Variants in MYT1 observed in about 807,000 individuals in gnomAD.
MYT1 encodes the protein myelin transcription factor 1, also known as myelin transcription factor I.
Under a neutral mutation model 123.0 loss-of-function variants are expected in MYT1, and 23 were observed. The ratio of observed to expected loss-of-function variants is 0.19; its 90% CI spans 0.13 to 0.26. MYT1 has a LOEUF of 0.26. MYT1 is among the 10% of genes least tolerant of loss of function. The pLI is 1.00. For synonymous variants in MYT1, 518 were observed against 575.3 expected (o/e 0.90, Z 1.43); for missense variants, 1,125 against 1,472.5 (o/e 0.76, Z 3.86).
chr20:64,216,934 G>C, intron 10 of MYT1, 133 bp from the exon 11 acceptor site: 2 of 798,956 alleles, frequency 2.5e-6, no homozygotes, highest in East Asian at 5.0e-5. Context: ...TGCAGGGGTA[G>C]TGTCTTCCTG....
chr20:64,208,059 A>C lies in MYT1; in HGVS notation c.863A>C (p.Glu288Ala), dbSNP rs776890055. 1 of 1,604,432 alleles carries C rather than the reference A, an allele frequency of 6.2e-7. No homozygotes were observed. The highest frequency in any genetic ancestry group is 8.5e-7 in the Non-Finnish European group (1 of 1,176,036). The stretch of plus-strand genomic sequence containing the variant: ...GAAGAGGAGGAGGAAGAGGAAGAGG[A>C]GGAGGAGGAAGAGGAAGAGGAGGAG... ...EEEEEEEEEE[E>A]EEEEEEEEEE... Residue 288 changes from glutamate (E) to alanine (A), a missense_variant, in exon 7 of 23, where the codon GAG becomes GCG. Transcript: ENST00000328439. This position sits in a 1 kb window ranked among gnomAD's most constrained non-coding sequence, Gnocchi z 5.4.
At position 64,191,327 on chromosome 20, in the gene MYT1, C is replaced by G. The variant is rs1982963827; in HGVS notation, c.-1+1167C>G. Among the ~76,000 whole-genome samples, 2 of 152,186 alleles carry G rather than the reference C, an allele frequency of 1.3e-5. No individual in the cohort carries two copies. The highest frequency in any genetic ancestry group is 6.5e-5 in the Admixed American group (1 of 15,282). ...ACAGCCACTGTTCTCCACCACCAACCCTCTAATTCTAGAACTTCCCACCAA... is the reference window on the plus strand; with the variant it reads ...ACAGCCACTGTTCTCCACCACCAACGCTCTAATTCTAGAACTTCCCACCAA... On this transcript the variant is annotated intron_variant, in intron 2 of 22. Transcript: ENST00000328439. The surrounding 1 kb of genome is among the most constrained non-coding windows in gnomAD (Gnocchi z 4.1).
chr20:64,168,129 TC>T lies in MYT1; in HGVS notation c.-99+3394del, dbSNP rs1045957770. ...ATTTTTCTGTCTTTCAGACCAAATT[TC>T]CCCAAACATCACTTTAAAAAACTCA... On this transcript the variant is annotated intron_variant, in intron 1 of 22. Coordinates refer to ENST00000328439, the MANE Select transcript of MYT1 (RefSeq NM_004535.3). This position sits in a 1 kb window ranked among gnomAD's most constrained non-coding sequence, Gnocchi z 6.1. 3.9e-5 allele frequency among the ~76,000 whole-genome samples: 6 copies of T among 152,294 alleles called. No individual in the cohort carries two copies. Among genetic ancestry groups the T allele is most frequent in the African/African-American group, 1.4e-4 (6 of 41,554 alleles).
At chr20:64,217,333 G>A in intron 11 of MYT1, 52 bp downstream of exon 11, 2 of 1,585,836 alleles carry the variant, frequency 1.3e-6, no homozygotes, top group Non-Finnish European at 1.7e-6. Context: ...TCCTGGGAGG[G>A]GCAGGATTCA....
At chr20:64,227,020 T>A (rs1405250977) in intron 16 of MYT1, among the ~76,000 whole-genome samples, 1 of 152,246 alleles carries the variant, frequency 6.6e-6, no homozygotes, top group Non-Finnish European at 1.5e-5. Flanking sequence ...TGAATGCCTT[T>A]AGTCCAGACC....
At position 64,239,919 on chromosome 20, in the gene MYT1, G is replaced by A. The variant is rs201984889; in HGVS notation, c.3237+16G>A. On this transcript the variant is annotated intron_variant, in intron 22 of 22. Transcript: ENST00000328439. ...TCCGCACATGGTAGGCAGCACGCGG[G>A]CCTGCCGGCACCACAGCTACCCCCC... is the stretch of plus-strand genomic sequence containing the variant. 2.5e-6 allele frequency: 4 copies of A among 1,609,538 alleles called. No homozygotes were observed. The South Asian group carries it at 4.4e-5, about 18-fold the overall frequency.
At position 64,185,451 on chromosome 20, in the gene MYT1, G is replaced by A. The variant is rs952104282; in HGVS notation, c.-98-4612G>A. On this transcript the variant is annotated intron_variant, in intron 1 of 22. Coordinates refer to ENST00000328439, the MANE Select transcript of MYT1 (RefSeq NM_004535.3). This position sits in a 1 kb window ranked among gnomAD's most constrained non-coding sequence, Gnocchi z 4.5. ...AAAGGCAGCCCTAGTTACCAGAGAT[G>A]CAAAACCTAGTGAAGACTGAAAACA... is the stretch of plus-strand genomic sequence containing the variant. Among the ~76,000 whole-genome samples the A allele has an allele frequency of 6.6e-6, 1 of 152,192 alleles. No homozygotes were observed. Among genetic ancestry groups the A allele is most frequent in the Non-Finnish European group, 1.5e-5 (1 of 68,038 alleles).
At chr20:64,171,505 C>T (rs1336817548) in intron 1 of MYT1, among the ~76,000 whole-genome samples, 1 of 152,232 alleles carries the variant, frequency 6.6e-6, no homozygotes, top group Non-Finnish European at 1.5e-5. Flanking sequence ...CATGCGGCTT[C>T]TAAGTCAGAA....
chr20:64,229,627 A>G (rs2427622), intron 18 of MYT1, among the ~76,000 whole-genome samples: 103,246 of 152,124 alleles, frequency 0.68, 37,617 homozygotes, highest in African/African-American at 0.93. Flanking sequence ...TGCCTAGCAT[A>G]TTTAAACAGA....
chr20:64,223,181 T>C lies in MYT1; in HGVS notation c.2459+8T>C. The C allele has an allele frequency of 6.2e-7, 1 of 1,614,176 alleles. No individual in the cohort carries two copies. The highest frequency in any genetic ancestry group is 1.1e-5 in the South Asian group (1 of 91,082). On this transcript the variant is annotated splice_region_variant and intron_variant, in intron 15 of 22. Transcript: ENST00000328439. ...CTACGCCTCCCACCGCAGGTTTGTCTCCTGCTCGGGTCCGTCTGGCCTGGG... is the reference window on the plus strand; with the variant it reads ...CTACGCCTCCCACCGCAGGTTTGTCCCCTGCTCGGGTCCGTCTGGCCTGGG...
intron 4 of MYT1, 95 bp downstream of exon 4, chr20:64,200,017 C>T: frequency 7.0e-7 from 1 of 1,438,626 alleles, no homozygotes; most frequent in Non-Finnish European, 9.8e-7. Context: ...CTTGGATTGA[C>T]CAAACACCCC....
In MYT1 at chr20:64,166,087, C is replaced by G. The variant is rs533204000; in HGVS notation, c.-99+1348C>G. Reference sequence around the variant, plus strand: ...TCGGCCCCCAGCCTCCCTGCCACCCCGGGCTCCCCTCCCATTGGTCCTTGG... The same window carrying G: ...TCGGCCCCCAGCCTCCCTGCCACCCGGGGCTCCCCTCCCATTGGTCCTTGG... On this transcript the variant is annotated intron_variant, in intron 1 of 22. Transcript: ENST00000328439. The surrounding 1 kb of genome is among the most constrained non-coding windows in gnomAD (Gnocchi z 4.9). Among the ~76,000 whole-genome samples, 35 of 152,294 alleles carry G rather than the reference C, an allele frequency of 2.3e-4. No homozygotes were observed. The highest frequency in any genetic ancestry group is 7.9e-4 in the African/African-American group (33 of 41,570).
chr20:64,237,251 G>C (rs1225709229), intron 20 of MYT1, 36 bp from the exon 21 acceptor site: 1 of 1,582,548 alleles, frequency 6.3e-7, no homozygotes, highest in South Asian at 1.1e-5. Flanking sequence ...CCTGCCTGAG[G>C]CCCAAAGCCA....
rs550376490 is a variant in MYT1, at chr20:64,231,005, C to T, written c.2676-1159C>T. Among the ~76,000 whole-genome samples, 9 of 152,260 alleles carry T rather than the reference C, an allele frequency of 5.9e-5. No homozygotes were observed. Among genetic ancestry groups the T allele is most frequent in the Admixed American group, 2.0e-4 (3 of 15,298 alleles). ...TCCACTGGGCAGCGCAGCCCTGAGC[C>T]GCCTCTCACCCCTACGGCGGGAGCC... On this transcript the variant is annotated intron_variant, in intron 18 of 22. Transcript: ENST00000328439. This position sits in a 1 kb window ranked among gnomAD's most constrained non-coding sequence, Gnocchi z 6.4.
At chr20:64,233,574 A>G (rs1342191845) in intron 19 of MYT1, among the ~76,000 whole-genome samples, 1 of 146,232 alleles carries the variant, frequency 6.8e-6, no homozygotes, top group Non-Finnish European at 1.5e-5. Flanking sequence ...CCATGTACCA[A>G]GCCTTGGAGA....
At chr20:64,237,028 C>G (rs1353981944) in intron 20 of MYT1, among the ~76,000 whole-genome samples, 2 of 152,182 alleles carry the variant, frequency 1.3e-5, no homozygotes, top group Non-Finnish European at 2.9e-5. Flanking sequence ...TTAATACCTC[C>G]CAAAGAGATT....
chr20:64,219,147 T>C, intron 12 of MYT1, 112 bp downstream of exon 12: 2 of 1,367,752 alleles, frequency 1.5e-6, no homozygotes, highest in Non-Finnish European at 2.0e-6. Context: ...TGTGCCTAGC[T>C]GGCAATTCTC....
intron 2 of MYT1, among the ~76,000 whole-genome samples, chr20:64,198,369 G>T (rs545018883): frequency 6.6e-6 from 1 of 150,616 alleles, no homozygotes. Context: ...CTGGGGACAC[G>T]TTGGGGTCAG....
Position 64,186,291 on chromosome 20 carries a change from G to A in MYT1, c.-98-3772G>A, listed in dbSNP as rs949363731. Reference sequence around the variant, plus strand: ...CAGCCAGCGCCGCCCTCTGGGTGCCGGGAGCTGATCCCGAGAGGCTTGTTT... The same window carrying A: ...CAGCCAGCGCCGCCCTCTGGGTGCCAGGAGCTGATCCCGAGAGGCTTGTTT... On this transcript the variant is annotated intron_variant, in intron 1 of 22. Transcript: ENST00000328439. This position sits in a 1 kb window ranked among gnomAD's most constrained non-coding sequence, Gnocchi z 4.3. Among the ~76,000 whole-genome samples the A allele has an allele frequency of 3.9e-5, 6 of 152,302 alleles. No homozygotes were observed. The highest frequency in any genetic ancestry group is 1.9e-4 in the East Asian group (1 of 5,184).
Sources: gnomAD v4.1 joint callset for allele counts (sites outside exome capture counted in the v4.1 genomes callset) on GRCh38, gnomAD v4.1.1 for gene constraint, Gnocchi (gnomAD v3.1) non-coding constraint, MANE v1.5 for transcripts, NCBI Gene and HGNC (gene_info 2026-07-23, HGNC 2026-07-21) for gene names.